PHF21B: variants seen among roughly 807,000 people sequenced by gnomAD.
PHF21B encodes the protein PHD finger protein 21B, also known as PHD finger protein 4.
In PHF21B, 22 loss-of-function variants were observed where a neutral mutation model predicts 62.2. The observed-to-expected ratio is 0.35, with a 90% CI of 0.25 to 0.51. The LOEUF (loss-of-function observed/expected upper bound fraction) is 0.51, where lower values mean the gene tolerates loss of function less well. Ranked by LOEUF, PHF21B falls within the 20% of genes least tolerant of loss-of-function variation. The probability of loss-of-function intolerance (pLI) is 0.97; values close to 1 mark genes in which losing one functional copy is unlikely to be tolerated. For synonymous variants in PHF21B, 341 were observed against 314.7 expected (o/e 1.08, Z -0.88); for missense variants, 701 against 707.9 (o/e 0.99, Z 0.11).
At chr22:44,942,995 A>ACCCCCCC (rs136699) in intron 2 of PHF21B, among the ~76,000 whole-genome samples, 1 of 140,634 alleles carries the variant, frequency 7.1e-6, no homozygotes, top group African/African-American at 2.8e-5. Flanking sequence ...GCAGGGAGGG[A>ACCCCCCC]CCCCCCCCCC....
At chr22:44,899,797 C>T (rs1941160254) in intron 5 of PHF21B, among the ~76,000 whole-genome samples, 1 of 152,176 alleles carries the variant, frequency 6.6e-6, no homozygotes, top group Non-Finnish European at 1.5e-5. Flanking sequence ...TAACAGGTTA[C>T]TGTGTTGCTA....
At chr22:44,919,145 C>T (rs542975316) in intron 3 of PHF21B, among the ~76,000 whole-genome samples, 29 of 152,328 alleles carry the variant, frequency 1.9e-4, no homozygotes, top group Admixed American at 6.5e-4. Flanking sequence ...AGGAAGCCTT[C>T]CTTGATGCCC....
At chr22:44,985,342 G>A (rs2072926463) in intron 2 of PHF21B, among the ~76,000 whole-genome samples, 1 of 152,200 alleles carries the variant, frequency 6.6e-6, no homozygotes, top group Non-Finnish European at 1.5e-5. Context: ...CACAGGGTCT[G>A]ATTTGCCACC....
At chr22:44,936,874 T>TC (rs1008825006) in intron 2 of PHF21B, among the ~76,000 whole-genome samples, 3 of 142,932 alleles carry the variant, frequency 2.1e-5, no homozygotes, top group African/African-American at 8.6e-5. Flanking sequence ...TTCTTTCTTT[T>TC]TTTTTTTTTT....
intron 2 of PHF21B, among the ~76,000 whole-genome samples, chr22:44,942,623 C>T (rs908241969): frequency 6.6e-6 from 1 of 152,182 alleles, no homozygotes; most frequent in Non-Finnish European, 1.5e-5. Flanking sequence ...GCACCGAGGT[C>T]TGTGGCCCTG....
At chr22:45,008,092 G>GT (rs2073359056) in intron 2 of PHF21B, 1 of 153,576 alleles carries the variant, frequency 6.5e-6, no homozygotes, top group Non-Finnish European at 1.4e-5. Context: ...GTGGAAGGTG[G>GT]TGGGGGGGAG....
intron 2 of PHF21B, among the ~76,000 whole-genome samples, chr22:44,997,671 T>C (rs924123238): frequency 1.5e-4 from 23 of 152,214 alleles, no homozygotes; most frequent in African/African-American, 5.5e-4. Context: ...TTCAGGTTCA[T>C]TTACATGTGC....
At chr22:44,884,563 C>A (rs2070816178) in intron 12 of PHF21B, among the ~76,000 whole-genome samples, 2 of 54,216 alleles carry the variant, frequency 3.7e-5, no homozygotes, top group Admixed American at 2.1e-4. Flanking sequence ...ACCATGATCG[C>A]CATTATCACC....
intron 2 of PHF21B, among the ~76,000 whole-genome samples, chr22:44,940,730 A>C (rs2071939676): frequency 6.6e-6 from 1 of 152,154 alleles, no homozygotes; most frequent in South Asian, 2.1e-4. Context: ...AGGAAGAGGC[A>C]GACTAACCCC....
Position 44,885,816 on chromosome 22 carries a change from G to A in PHF21B, c.1273+47C>T, listed in dbSNP as rs200587690. 1.4e-4 allele frequency: 214 copies of A among 1,578,906 alleles called. No individual in the cohort carries two copies. In the African/African-American group the frequency reaches 2.5e-3, roughly 18 times the overall value. On this transcript the variant is annotated intron_variant, in intron 11 of 12. Coordinates refer to ENST00000313237, the MANE Select transcript of PHF21B (RefSeq NM_138415.5). ...GGTGAGCCCAGAGGCCTGGGTGGGG[G>A]AGGAGGGGGAGCAGGTACCCTTTTC...
intron 2 of PHF21B, among the ~76,000 whole-genome samples, chr22:44,942,693 C>A (rs2071982544): frequency 6.6e-6 from 1 of 152,140 alleles, no homozygotes; most frequent in Non-Finnish European, 1.5e-5. Flanking sequence ...ACAGCCTGGC[C>A]CCTGAGCTGA....
At chr22:44,937,791 G>A (rs2071879051) in intron 2 of PHF21B, among the ~76,000 whole-genome samples, 2 of 152,242 alleles carry the variant, frequency 1.3e-5, no homozygotes, top group South Asian at 2.1e-4. Context: ...TGACACGGAG[G>A]AGCCTCATAG....
At chr22:44,949,315 A>G (rs2072145982) in intron 2 of PHF21B, among the ~76,000 whole-genome samples, 1 of 150,774 alleles carries the variant, frequency 6.6e-6, no homozygotes, top group Admixed American at 6.6e-5. Context: ...AAAAAGAAAA[A>G]AAAAAAAAAA....
At chr22:44,962,082 T>C (rs765737363) in intron 2 of PHF21B, among the ~76,000 whole-genome samples, 4 of 152,116 alleles carry the variant, frequency 2.6e-5, no homozygotes, top group Non-Finnish European at 5.9e-5. Context: ...CACAAGTGCA[T>C]GTGTCTTTTG....
chr22:44,998,731 T>C (rs2073161682), intron 2 of PHF21B, among the ~76,000 whole-genome samples: 1 of 152,206 alleles, frequency 6.6e-6, no homozygotes, highest in Non-Finnish European at 1.5e-5. Context: ...TCTACGGCAA[T>C]AATGTCTTTG....
chr22:44,962,717 G>T (rs2072448515), intron 2 of PHF21B, among the ~76,000 whole-genome samples: 1 of 152,080 alleles, frequency 6.6e-6, no homozygotes, highest in Non-Finnish European at 1.5e-5. Flanking sequence ...TTGCTCAGAG[G>T]GAACACCAGG....
At chr22:44,887,939 A>G in intron 10 of PHF21B, 24 bp downstream of exon 10, 1 of 1,443,272 alleles carries the variant, frequency 6.9e-7, no homozygotes, top group Non-Finnish European at 9.2e-7. Context: ...GTCTGGGGTG[A>G]GGGGGTCACA....
intron 2 of PHF21B, chr22:45,001,375 C>T (rs6007407): frequency 0.038 from 5,737 of 152,582 alleles, 360 homozygotes; most frequent in African/African-American, 0.13. Context: ...AGCGAGTGTG[C>T]AATCTGCCAC....
intron 5 of PHF21B, among the ~76,000 whole-genome samples, chr22:44,900,557 T>A (rs1765867695): frequency 6.6e-6 from 1 of 152,214 alleles, no homozygotes; most frequent in Non-Finnish European, 1.5e-5. Context: ...CGCCTCGGCC[T>A]CCTAAAGTGC....
Sources: gnomAD v4.1 joint callset for allele counts (sites outside exome capture counted in the v4.1 genomes callset) on GRCh38, gnomAD v4.1.1 for gene constraint, MANE v1.5 for transcripts, NCBI Gene and HGNC (gene_info 2026-07-23, HGNC 2026-07-21) for gene names.